GON4L: variants seen among roughly 807,000 people sequenced by gnomAD.
GON4L encodes the protein GON-4-like protein.
In GON4L, 87 loss-of-function variants were observed where a neutral mutation model predicts 211.8. The ratio of observed to expected loss-of-function variants is 0.41; its 90% confidence interval spans 0.35 to 0.49. The LOEUF is 0.49. GON4L is among the 20% of genes least tolerant of loss of function. GON4L has a pLI of 0.15. For missense variants in GON4L, 2,155 were observed against 2,659.5 expected (o/e 0.81, Z 4.17); for synonymous variants, 875 against 962.6 (o/e 0.91, Z 1.68).
intron 26 of GON4L, 30 bp downstream of exon 26, chr1:155,757,150 A>G: frequency 1.2e-6 from 2 of 1,613,808 alleles, no homozygotes; most frequent in South Asian, 1.1e-5. Context: ...TTCCCCCTTC[A>G]TAAGGCTACA....
At chr1:155,745,556 C>T (rs1660226194), downstream of GON4L, among the ~76,000 whole-genome samples, 1 of 152,234 alleles carries the variant, frequency 6.6e-6, no homozygotes, top group African/African-American at 2.4e-5. Context: ...AAGTCAGCGG[C>T]GGAGACAGCG....
At chr1:155,839,756 AAG>A (rs1363165230) in intron 2 of GON4L, among the ~76,000 whole-genome samples, 15 of 152,214 alleles carry the variant, frequency 9.9e-5, no homozygotes, top group Non-Finnish European at 1.8e-4. Context: ...AATTTATAAA[AAG>A]AATTGTTTAT....
Position 155,813,810 on chromosome 1 carries a change from T to G in GON4L, c.1282-6A>C. The G allele has an allele frequency of 6.2e-7, 1 of 1,612,380 alleles. No individual in the cohort carries two copies. The highest frequency in any genetic ancestry group is 1.1e-5 in the South Asian group (1 of 91,028). On this transcript the variant is annotated splice_polypyrimidine_tract_variant and splice_region_variant and intron_variant, in intron 9 of 31. Transcript: ENST00000368331. Reference sequence around the variant, plus strand: ...GGTGTGGTGACTTTCTCAGCCTGATTAAAAGAGGTGACTGCATCAAAAAAG... The same window carrying G: ...GGTGTGGTGACTTTCTCAGCCTGATGAAAAGAGGTGACTGCATCAAAAAAG...
chr1:155,827,440 T>C (rs1368273254), intron 2 of GON4L, among the ~76,000 whole-genome samples: 3 of 152,182 alleles, frequency 2.0e-5, no homozygotes, highest in African/African-American at 7.2e-5. Context: ...TGTAAATATA[T>C]GGTTCTACAG....
At chr1:155,811,978 G>A (rs1439223718) in intron 10 of GON4L, among the ~76,000 whole-genome samples, 1 of 151,762 alleles carries the variant, frequency 6.6e-6, no homozygotes, top group African/African-American at 2.4e-5. Flanking sequence ...CTTGAACCCA[G>A]GAAGCAGAGG....
intron 2 of GON4L, chr1:155,846,175 C>A: frequency 4.3e-6 from 1 of 231,040 alleles, no homozygotes; most frequent in South Asian, 8.0e-5. Context: ...CTGTGATCAC[C>A]CTACACAACC....
intron 11 of GON4L, among the ~76,000 whole-genome samples, chr1:155,796,851 G>A (rs2102005113): frequency 6.6e-6 from 1 of 151,842 alleles, no homozygotes; most frequent in Non-Finnish European, 1.5e-5. Context: ...ACCAAAAAGA[G>A]AATACCTAAA....
intron 3 of GON4L, among the ~76,000 whole-genome samples, chr1:155,823,033 G>A (rs1458290213): frequency 6.6e-6 from 1 of 152,132 alleles, no homozygotes; most frequent in Non-Finnish European, 1.5e-5. Context: ...GACCTCAGGT[G>A]ATCCACCTGC....
intron 29 of GON4L, 96 bp downstream of exon 29, chr1:155,753,108 T>C (rs1405523403): frequency 2.2e-6 from 2 of 925,288 alleles, no homozygotes; most frequent in African/African-American, 3.3e-5. Context: ...TATCCATCCC[T>C]GAAAAGGCTA....
intron 19 of GON4L, among the ~76,000 whole-genome samples, chr1:155,770,525 G>GTCTC: frequency 6.6e-6 from 1 of 152,184 alleles, no homozygotes; most frequent in Middle Eastern, 3.4e-3. Context: ...GCAAGAACCC[G>GTCTC]TCTCTAAAAA....
rs559185568 is a variant in GON4L at position 155,752,427 on chromosome 1, C to T, written c.6006G>A (p.Glu2002=). 18 of 1,573,358 alleles carry T rather than the reference C, an allele frequency of 1.1e-5. No homozygotes were observed. In the Admixed American group the frequency reaches 3.2e-4, roughly 28 times the overall value. Residue 2002 remains glutamate, a synonymous_variant, in exon 30 of 32, where the codon GAG becomes GAA. Coordinates refer to ENST00000368331, the MANE Select transcript of GON4L (RefSeq NM_001282860.2). ...YTVKRNQVGP[E]VRSCPKASPR... Reference sequence around the variant, plus strand: ...GGGATGCCTTGGGGCAGGAGCGAACCTCAGGCCCAACCTGGTTTCTCTTAA... The same window carrying T: ...GGGATGCCTTGGGGCAGGAGCGAACTTCAGGCCCAACCTGGTTTCTCTTAA...
chr1:155,845,793 A>T, intron 2 of GON4L: 1 of 254,428 alleles, frequency 3.9e-6, no homozygotes, highest in South Asian at 5.5e-5. Flanking sequence ...ATTTCAGTAG[A>T]AGTCTATGAA....
chr1:155,748,296 A>G, downstream of GON4L: 2 of 1,297,110 alleles, frequency 1.5e-6, no homozygotes, highest in South Asian at 2.7e-5. Flanking sequence ...GGGGTCAAAC[A>G]TACCCCTGAT....
chr1:155,771,170 T>A lies in GON4L; in HGVS notation c.2543A>T (p.Asn848Ile). ...LKHFEGTEFP[N>I]PLISKYLLTC... The stretch of plus-strand genomic sequence containing the variant: ...TAGAAGGTACTTGCTGATTAGAGGA[T>A]TAGGAAACTCAGTTCCTTCAAAATG... Residue 848 changes from asparagine (N) to isoleucine (I), a missense_variant, in exon 19 of 32, where the codon AAT becomes ATT. Asn to Ile is a moderately radical substitution (Grantham distance 149). Transcript: ENST00000368331. 1.2e-6 allele frequency: 2 copies of A among 1,614,150 alleles called. No individual in the cohort carries two copies. Among genetic ancestry groups the A allele is most frequent in the Non-Finnish European group, 1.7e-6 (2 of 1,180,008 alleles).
intron 6 of GON4L, among the ~76,000 whole-genome samples, chr1:155,818,893 C>A (rs183373014): frequency 6.6e-6 from 1 of 151,898 alleles, no homozygotes; most frequent in African/African-American, 2.4e-5. Flanking sequence ...AGCTACTCAG[C>A]AGGCTGAGGC....
chr1:155,814,489 T>A (rs1006633576), intron 8 of GON4L, 40 bp from the exon 9 acceptor site: 1 of 1,601,298 alleles, frequency 6.2e-7, no homozygotes, highest in Non-Finnish European at 8.6e-7. Flanking sequence ...TTTATGCCCC[T>A]ACCTCATTCC....
intron 14 of GON4L, among the ~76,000 whole-genome samples, chr1:155,781,243 A>G (rs1439154961): frequency 6.6e-6 from 1 of 151,766 alleles, no homozygotes; most frequent in Non-Finnish European, 1.5e-5. Context: ...CCCAGGTTCA[A>G]GCAATTCTCC....
intron 10 of GON4L, among the ~76,000 whole-genome samples, chr1:155,811,493 C>T (rs1019986373): frequency 2.2e-4 from 33 of 149,874 alleles, no homozygotes; most frequent in African/African-American, 7.1e-4. Flanking sequence ...CATTGGCTCA[C>T]GTCTGTAATC....
intron 8 of GON4L, 73 bp downstream of exon 8, chr1:155,815,732 A>G: frequency 1.2e-6 from 1 of 866,190 alleles, no homozygotes; most frequent in Non-Finnish European, 2.0e-6. Flanking sequence ...TCCTCTCTAC[A>G]AGTGACATTA....
Sources: allele counts gnomAD v4.1 joint callset (sites outside exome capture counted in the v4.1 genomes callset), GRCh38; gene constraint gnomAD v4.1.1; transcripts MANE v1.5; gene names NCBI Gene and HGNC (gene_info 2026-07-23, HGNC 2026-07-21).